USP36: variants seen among roughly 807,000 people sequenced by gnomAD.
USP36 encodes ubiquitin carboxyl-terminal hydrolase 36.
In USP36, 59 loss-of-function variants were observed where a neutral mutation model predicts 111.5. The observed-to-expected ratio is 0.53, with a 90% CI of 0.43 to 0.66. The LOEUF is 0.66. Ranked by LOEUF, USP36 falls within the 30% of genes least tolerant of loss-of-function variation. The probability of loss-of-function intolerance (pLI) is 0.00; values close to 1 mark genes in which losing one functional copy is unlikely to be tolerated. For missense variants in USP36, 1,488 were observed against 1,468.0 expected, an observed-to-expected ratio of 1.01 and a Z score of -0.22; for synonymous variants, 628 against 581.0, an observed-to-expected ratio of 1.08 and a Z score of -1.16.
intron 7 of USP36, 87 bp from the exon 8 acceptor site, chr17:78,821,148 C>A: frequency 1.5e-6 from 2 of 1,334,852 alleles, no homozygotes; most frequent in Non-Finnish European, 1.0e-6. Flanking sequence ...GGGAGGCAGA[C>A]TCTCAGCAGG....
At chr17:78,801,277 G>A (rs900754743) in intron 17 of USP36, among the ~76,000 whole-genome samples, 1 of 152,304 alleles carries the variant, frequency 6.6e-6, no homozygotes, top group East Asian at 1.9e-4. Flanking sequence ...CCCCCGGCCA[G>A]GGCAGTACTT....
chr17:78,836,002 T>G, intron 3 of USP36, 109 bp downstream of exon 3: 4 of 1,488,572 alleles, frequency 2.7e-6, no homozygotes, highest in Non-Finnish European at 2.7e-6. Flanking sequence ...AATTCATAAC[T>G]CTTTGACCAC....
At chr17:78,840,667 C>G (rs903917623) in intron 1 of USP36, 69 bp downstream of exon 1, 4 of 152,200 alleles carry the variant, frequency 2.6e-5, no homozygotes, top group African/African-American at 7.3e-5. Context: ...GCGCCCCAGG[C>G]CTCGCGGAAC....
exon 4 of USP36, chr17:78,787,618 C>T (rs1194803568): frequency 6.6e-6 from 1 of 152,212 alleles, no homozygotes; most frequent in African/African-American, 2.4e-5. Flanking sequence ...GCCCCAAGCT[C>T]TGGAGGCTTC....
rs1283688942 is a variant in USP36, at chr17:78,820,972, G to A, written c.828+19C>T. The A allele has an allele frequency of 6.2e-7, 1 of 1,603,202 alleles. No homozygotes were observed. On this transcript the variant is annotated intron_variant, in intron 8 of 20. Transcript: ENST00000449938. ...CTCGCTCTCCTACTGCAAAAGTGAAGGGCAGGACAGATCTGTACCCGGATC... is the reference window on the plus strand; with the variant it reads ...CTCGCTCTCCTACTGCAAAAGTGAAAGGCAGGACAGATCTGTACCCGGATC...
rs1437010105 is a variant in USP36 at position 78,824,469 on chromosome 17, A to G, written c.690-2465T>C. The stretch of plus-strand genomic sequence containing the variant: ...CTGGGCAGGAGGATTGCTTGAGTCC[A>G]GGAGGTGGAGCCTGCCGTGAGCGGA... On this transcript the variant is annotated intron_variant, in intron 6 of 20. Transcript: ENST00000449938. 2.0e-5 allele frequency among the ~76,000 whole-genome samples: 3 copies of G among 152,152 alleles called. No homozygotes were observed. In the East Asian group the frequency reaches 5.8e-4, roughly 29 times the overall value.
At position 78,828,963 on chromosome 17, in the gene USP36, T is replaced by C. The variant is rs2067831934; in HGVS notation, c.520A>G (p.Ile174Val). The change falls in exon 5 of 21, where the codon ATT becomes GTT. Residue 174 changes from isoleucine to valine, a missense_variant. Ile to Val is a conservative substitution (Grantham distance 29). Around this residue, in one of 3 missense-constraint regions of USP36, gnomAD observed 196 missense variants for 264.4 expected, o/e 0.74. Transcript: ENST00000449938. The part of the protein sequence containing the change: ...FCMLCVMQNH[I>V]VQAFANSGNA... ...CCGCTGTTGGCGAAGGCCTGGACAATGTGGTTCTGCATGACACACAGCATG... is the reference window on the plus strand; with the variant it reads ...CCGCTGTTGGCGAAGGCCTGGACAACGTGGTTCTGCATGACACACAGCATG... 1 of 1,614,114 alleles carries C rather than the reference T, an allele frequency of 6.2e-7. No homozygotes were observed. Among genetic ancestry groups the C allele is most frequent in the Non-Finnish European group, 8.5e-7 (1 of 1,180,030 alleles).
chr17:78,806,869 G>A (rs1035520552), intron 14 of USP36, 90 bp downstream of exon 14: 88 of 1,516,182 alleles, frequency 5.8e-5, no homozygotes, highest in Non-Finnish European at 7.4e-5. Context: ...CAAAGCCCCC[G>A]GACAATGTTC....
intron 13 of USP36, among the ~76,000 whole-genome samples, chr17:78,809,760 C>A (rs1392351476): frequency 2.0e-5 from 3 of 151,988 alleles, no homozygotes; most frequent in Non-Finnish European, 2.9e-5. Flanking sequence ...ACAGCTGGGA[C>A]AACAGACGTG....
intron 15 of USP36, among the ~76,000 whole-genome samples, chr17:78,804,850 A>G (rs894401050): frequency 2.0e-5 from 3 of 152,160 alleles, no homozygotes; most frequent in Non-Finnish European, 4.4e-5. Context: ...ATGGTAAGGA[A>G]AAAAAAGATC....
intron 13 of USP36, 84 bp downstream of exon 13, chr17:78,812,776 A>G: frequency 6.7e-7 from 1 of 1,503,742 alleles, no homozygotes; most frequent in Non-Finnish European, 9.1e-7. Flanking sequence ...AATTCCTTCC[A>G]CTGTGGCCAA....
chr17:78,815,072 G>A (rs893416460), intron 10 of USP36, among the ~76,000 whole-genome samples: 3 of 152,158 alleles, frequency 2.0e-5, no homozygotes, highest in African/African-American at 7.2e-5. Flanking sequence ...GGTGGCTCAC[G>A]CCTGTAATCC....
chr17:78,835,521 G>A lies in USP36; in HGVS notation c.254-20C>T. ...CACTGCCTGAGGAAGAAAGGGACAAGGGAAGAAAAGAGGAAGACGTAAGTC... is the reference window on the plus strand; with the variant it reads ...CACTGCCTGAGGAAGAAAGGGACAAAGGAAGAAAAGAGGAAGACGTAAGTC... On this transcript the variant is annotated intron_variant, in intron 3 of 20. Coordinates refer to ENST00000449938, the MANE Select transcript of USP36 (RefSeq NM_001385174.1). The A allele has an allele frequency of 6.4e-7, 1 of 1,571,462 alleles. No homozygotes were observed. The highest frequency in any genetic ancestry group is 1.7e-4 in the Middle Eastern group (1 of 6,012).
Position 78,803,837 on chromosome 17 carries a change from C to G in USP36, c.2358G>C (p.Gln786His), listed in dbSNP as rs757747598. The G allele has an allele frequency of 1.1e-5, 17 of 1,612,080 alleles. No individual in the cohort carries two copies. The highest frequency in any genetic ancestry group is 1.4e-5 in the Non-Finnish European group (17 of 1,179,956). The change falls in exon 16 of 21, where the codon CAG (glutamine) becomes CAC (histidine). Residue 786 changes from glutamine (Q) to histidine (H), a missense_variant. Gln to His is a conservative substitution (Grantham distance 24). Transcript: ENST00000449938. The surrounding 1 kb of genome is among the most constrained non-coding windows in gnomAD (Gnocchi z 4.6). The part of the protein sequence containing the change: ...SCSSISTALP[Q>H]VNEDLVSLPH... ...GAAGAGACACAAGGTCCTCGTTGAC[C>G]TGAGGCAGCGCCGTCGAGATGGAGG...
chr17:78,801,108 C>G (rs1003169317), intron 17 of USP36, among the ~76,000 whole-genome samples: 1 of 151,704 alleles, frequency 6.6e-6, no homozygotes, highest in African/African-American at 2.4e-5. Flanking sequence ...TCCCGAGTAG[C>G]TGGGACTAGA....
At chr17:78,821,776 C>A (rs8069830) in intron 7 of USP36, among the ~76,000 whole-genome samples, 161 bp downstream of exon 7, 1 of 151,956 alleles carries the variant, frequency 6.6e-6, no homozygotes, top group Non-Finnish European at 1.5e-5. Flanking sequence ...AGTGGCCAGG[C>A]GGGCCAAGAG....
chr17:78,791,270 G>A (rs1352590490), downstream of USP36, among the ~76,000 whole-genome samples: 1 of 151,936 alleles, frequency 6.6e-6, no homozygotes, highest in Non-Finnish European at 1.5e-5. Context: ...AAGTAGCTGG[G>A]ATTACAGGCA....
At chr17:78,794,261 C>T (rs980721926), downstream of USP36, among the ~76,000 whole-genome samples, 4 of 152,344 alleles carry the variant, frequency 2.6e-5, no homozygotes, top group Non-Finnish European at 5.9e-5. Context: ...CATCAGGCAG[C>T]CTGGAATCCA....
intron 18 of USP36, among the ~76,000 whole-genome samples, chr17:78,799,309 T>G (rs1164089605): frequency 6.6e-6 from 1 of 152,208 alleles, no homozygotes; most frequent in Non-Finnish European, 1.5e-5. Context: ...ATGTCATGTT[T>G]GGTCTCGAAG....
Sources: allele counts gnomAD v4.1 joint callset (sites outside exome capture counted in the v4.1 genomes callset), GRCh38; gene constraint gnomAD v4.1.1; regional missense constraint gnomAD v4.1.1; non-coding constraint Gnocchi (gnomAD v3.1); transcripts MANE v1.5; gene names NCBI Gene and HGNC (gene_info 2026-07-23, HGNC 2026-07-21).